The following ADCY10 variants were observed in gnomAD, a reference collection of about 807,000 sequenced individuals.
ADCY10 encodes the protein adenylate cyclase type 10.
In ADCY10, 156 loss-of-function variants were observed where a neutral mutation model predicts 183.3. The observed-to-expected ratio is 0.85, with a 90% CI of 0.75 to 0.97. ADCY10 has a LOEUF of 0.97. ADCY10 is among the 50% of genes least tolerant of loss of function. ADCY10 has a pLI of 0.00. For synonymous variants in ADCY10, 645 were observed against 670.0 expected, an observed-to-expected ratio of 0.96 and a Z score of 0.58; for missense variants, 1,745 against 1,934.3, an observed-to-expected ratio of 0.90 and a Z score of 1.84.
chr1:167,828,856 G>A (rs543320058), intron 26 of ADCY10, among the ~76,000 whole-genome samples: 1 of 152,196 alleles, frequency 6.6e-6, no homozygotes, highest in African/African-American at 2.4e-5. Flanking sequence ...CAGCTACTCA[G>A]GAGGATGAGG....
intron 14 of ADCY10, among the ~76,000 whole-genome samples, chr1:167,865,099 A>G (rs1666588793): frequency 6.6e-6 from 1 of 152,196 alleles, no homozygotes; most frequent in Admixed American, 6.5e-5. Context: ...AATATTGTAT[A>G]ATTTGAAAGT....
At position 167,856,401 on chromosome 1, in the gene ADCY10, C is replaced by T; in HGVS notation, c.1935G>A (p.Glu645=). The T allele has an allele frequency of 6.2e-7, 1 of 1,614,124 alleles. No individual in the cohort carries two copies. The highest frequency in any genetic ancestry group is 8.5e-7 in the Non-Finnish European group (1 of 1,180,010). Residue 645 remains glutamate (E), a synonymous_variant, in exon 17 of 33, where the codon GAG becomes GAA. Transcript: ENST00000367851. ...KEERIIFIID[E]AQFVDSTSWR... ...AGGAGGTCGAATCCACAAACTGGGCCTCATCAATGATAAAAATAATCCTTT... is the reference window on the plus strand; with the variant it reads ...AGGAGGTCGAATCCACAAACTGGGCTTCATCAATGATAAAAATAATCCTTT...
intron 28 of ADCY10, 62 bp downstream of exon 28, chr1:167,824,414 C>T: frequency 1.4e-6 from 2 of 1,421,698 alleles, no homozygotes; most frequent in Non-Finnish European, 2.0e-6. Flanking sequence ...AAAGTTGAAC[C>T]CAGAATACTC....
At chr1:167,905,776 T>C (rs2102453823) in intron 1 of ADCY10, among the ~76,000 whole-genome samples, 1 of 152,140 alleles carries the variant, frequency 6.6e-6, no homozygotes, top group South Asian at 2.1e-4. Context: ...GCTGGAAAGA[T>C]GGAAGACCTT....
intron 27 of ADCY10, 33 bp downstream of exon 27, chr1:167,824,618 C>T: frequency 6.2e-7 from 1 of 1,613,786 alleles, no homozygotes. Context: ...TTCCTTGTAT[C>T]CTCATGTCCC....
chr1:167,865,738 C>G (rs904721252), intron 14 of ADCY10, among the ~76,000 whole-genome samples: 3 of 152,176 alleles, frequency 2.0e-5, no homozygotes, highest in Non-Finnish European at 4.4e-5. Context: ...ATGCAAATGC[C>G]TGGTTGAAAT....
At chr1:167,822,326 C>G (rs1475064643) in intron 29 of ADCY10, among the ~76,000 whole-genome samples, 185 bp from the exon 30 acceptor site, 2 of 152,170 alleles carry the variant, frequency 1.3e-5, no homozygotes, top group African/African-American at 4.8e-5. Flanking sequence ...TGAGTCCTAC[C>G]TATTGGGGAG....
At position 167,904,051 on chromosome 1, in the gene ADCY10, G is replaced by T. The variant is rs75217622; in HGVS notation, c.149-60C>A. ...TTGGGGGAATCAAACAGAGCCAGAA[G>T]AGGACTACCCTGGAAGGCAGCGGGC... is the stretch of plus-strand genomic sequence containing the variant. On this transcript the variant is annotated intron_variant, in intron 2 of 32. Coordinates refer to ENST00000367851, the MANE Select transcript of ADCY10 (RefSeq NM_018417.6). 6.1e-3 allele frequency: 6,231 copies of T among 1,015,618 alleles called. 36 individuals carry two copies. Among genetic ancestry groups the T allele is most frequent in the Non-Finnish European group, 6.8e-3 (4,453 of 654,024 alleles). 62.9% of individuals were successfully genotyped at this position (1,015,618 alleles called of 1,614,324 possible). A position where few individuals can be genotyped will look rare whatever the true frequency, so the allele number is the denominator to read the frequency against.
chr1:167,905,258 C>G, intron 1 of ADCY10, 60 bp from the exon 2 acceptor site: 1 of 1,253,496 alleles, frequency 8.0e-7, no homozygotes, highest in Non-Finnish European at 1.2e-6. Context: ...TTTCCTATTG[C>G]TCTTTCTCCA....
chr1:167,834,632 C>G (rs572531917), intron 23 of ADCY10: 1 of 186,102 alleles, frequency 5.4e-6, no homozygotes, highest in East Asian at 1.4e-4. Context: ...GTGTGCACAC[C>G]AAGGTAAGAT....
intron 1 of ADCY10, among the ~76,000 whole-genome samples, chr1:167,905,567 C>G (rs949350557): frequency 6.6e-6 from 1 of 151,430 alleles, no homozygotes; most frequent in Non-Finnish European, 1.5e-5. Flanking sequence ...TTTACCCTCT[C>G]TCTACCTTGG....
chr1:167,861,095 A>C, intron 14 of ADCY10, 32 bp from the exon 15 acceptor site: 1 of 1,571,268 alleles, frequency 6.4e-7, no homozygotes, highest in Non-Finnish European at 8.7e-7. Flanking sequence ...AACAGAAGAG[A>C]GTTTTTAAAT....
chr1:167,818,658 C>A (rs1332126746), intron 30 of ADCY10, among the ~76,000 whole-genome samples: 3 of 152,182 alleles, frequency 2.0e-5, no homozygotes, highest in African/African-American at 7.2e-5. Context: ...CTGCCTCAGC[C>A]TCCCGAGTAG....
intron 30 of ADCY10, chr1:167,820,295 A>T (rs1662814373): frequency 7.7e-7 from 1 of 1,307,118 alleles, no homozygotes; most frequent in African/African-American, 1.5e-5. Context: ...CCGGCCGCCT[A>T]GCCAAGTCTC....
chr1:167,831,903 CAGAG>C (rs964701922), intron 25 of ADCY10, among the ~76,000 whole-genome samples: 8 of 152,170 alleles, frequency 5.3e-5, no homozygotes, highest in Non-Finnish European at 1.0e-4. Flanking sequence ...ACTGCCTTCT[CAGAG>C]AGATCTCTGC....
chr1:167,906,880 C>T (rs930149769), intron 1 of ADCY10, among the ~76,000 whole-genome samples: 2 of 151,952 alleles, frequency 1.3e-5, no homozygotes, highest in Non-Finnish European at 2.9e-5. Flanking sequence ...GTTAAGAAAA[C>T]CTAGAGGGAT....
chr1:167,870,232 A>T (rs1667001444), intron 14 of ADCY10, 25 bp downstream of exon 14: 1 of 1,613,662 alleles, frequency 6.2e-7, no homozygotes. Context: ...GGGTTCACAC[A>T]GAACAATCAT....
intron 1 of ADCY10, among the ~76,000 whole-genome samples, chr1:167,912,600 C>T (rs1304069283): frequency 2.6e-5 from 4 of 152,358 alleles, no homozygotes; most frequent in Middle Eastern, 3.4e-3. Flanking sequence ...CTGACGTCCA[C>T]CCCACTGGGG....
At chr1:167,816,582 C>T (rs907478519) in intron 31 of ADCY10, among the ~76,000 whole-genome samples, 2 of 151,964 alleles carry the variant, frequency 1.3e-5, no homozygotes, top group Non-Finnish European at 2.9e-5. Context: ...TAAAGAAGCC[C>T]AAGGGACTTC....
Sources: allele counts gnomAD v4.1 joint callset (sites outside exome capture counted in the v4.1 genomes callset), GRCh38; gene constraint gnomAD v4.1.1; transcripts MANE v1.5; gene names NCBI Gene and HGNC (gene_info 2026-07-23, HGNC 2026-07-21).